KCNH1: variants seen among roughly 807,000 people sequenced by gnomAD.
The protein encoded by KCNH1 is potassium voltage-gated channel subfamily H member 1.
KCNH1 carries 27 observed loss-of-function variants against 69.2 expected under a neutral mutation model. The observed-to-expected ratio is 0.39, with a 90% CI of 0.29 to 0.54. KCNH1 has a LOEUF of 0.54. Ranked by LOEUF, KCNH1 falls within the 20% of genes least tolerant of loss-of-function variation. The pLI, the probability that KCNH1 is intolerant of heterozygous loss-of-function variation, is 0.68. For synonymous variants in KCNH1, 456 were observed against 487.7 expected, an observed-to-expected ratio of 0.93 and a Z score of 0.86; for missense variants, 798 against 1,261.6, an observed-to-expected ratio of 0.63 and a Z score of 5.57.
Position 211,005,080 on chromosome 1 carries a change from GA to G in KCNH1, c.1032+13702del, listed in dbSNP as rs532330624. Among the ~76,000 whole-genome samples, 35 of 151,754 alleles carry G rather than the reference GA, an allele frequency of 2.3e-4. No individual in the cohort carries two copies. The South Asian group carries it at 5.8e-3, about 25-fold the overall frequency. The stretch of plus-strand genomic sequence containing the variant: ...AGCAAATATAATCAATATGAGGAAT[GA>G]AAAAAAGAAAACAGCATCACTACAT... On this transcript the variant is annotated intron_variant, in intron 6 of 10. Transcript: ENST00000271751.
At chr1:210,969,324 C>T (rs1287112360) in intron 6 of KCNH1, among the ~76,000 whole-genome samples, 2 of 151,904 alleles carry the variant, frequency 1.3e-5, no homozygotes. Flanking sequence ...ACCTGAAAAA[C>T]TTTACATATA....
intron 6 of KCNH1, among the ~76,000 whole-genome samples, chr1:211,011,469 G>A (rs1689392839): frequency 6.6e-6 from 1 of 152,118 alleles, no homozygotes; most frequent in Non-Finnish European, 1.5e-5. Context: ...GTAGAATGAT[G>A]TATAATCCTT....
At chr1:210,827,350 AG>A (rs955218589) in intron 7 of KCNH1, among the ~76,000 whole-genome samples, 8 of 115,626 alleles carry the variant, frequency 6.9e-5, no homozygotes, top group African/African-American at 2.5e-4. Flanking sequence ...AAAAAGAAAA[AG>A]AAAAAAAAGA....
chr1:211,120,487 G>A (rs1222651007), intron 1 of KCNH1, among the ~76,000 whole-genome samples: 5 of 151,976 alleles, frequency 3.3e-5, no homozygotes, highest in Non-Finnish European at 7.4e-5. Flanking sequence ...ACCATGCCTG[G>A]CCTGATTCAA....
chr1:210,794,078 C>T (rs1373267406), intron 9 of KCNH1, among the ~76,000 whole-genome samples: 1 of 152,102 alleles, frequency 6.6e-6, no homozygotes, highest in Non-Finnish European at 1.5e-5. Context: ...TGCTTGAACC[C>T]CCTTGCAAGA....
chr1:210,813,619 G>A (rs971936500), intron 7 of KCNH1, among the ~76,000 whole-genome samples: 3 of 152,186 alleles, frequency 2.0e-5, no homozygotes, highest in Admixed American at 2.0e-4. Context: ...GATATTGATG[G>A]AGTAAGTGTG....
chr1:210,891,599 C>CT (rs1686752426), intron 7 of KCNH1, among the ~76,000 whole-genome samples: 1 of 151,436 alleles, frequency 6.6e-6, no homozygotes, highest in Non-Finnish European at 1.5e-5. Flanking sequence ...AATAGGAATG[C>CT]TTTTATACTG....
Position 210,679,864 on chromosome 1 carries a change from G to A in KCNH1, c.*3417C>T, listed in dbSNP as rs1249746964. On this transcript the variant is annotated 3_prime_UTR_variant, in exon 11 of 11. Transcript: ENST00000271751. The stretch of plus-strand genomic sequence containing the variant: ...AGTTTGCTGGAAGGCTGCTAAATGG[G>A]CTCAGCTTTTTAAATACTTGGGCTA... 3 of 152,252 alleles carry A rather than the reference G, an allele frequency of 2.0e-5. No homozygotes were observed. In the East Asian group the frequency reaches 5.8e-4, roughly 29 times the overall value. The allele number at this position is 152,252 out of a possible 1,614,324, so 9.4% of individuals were successfully genotyped here.
At chr1:210,727,839 G>C (rs17016775) in intron 10 of KCNH1, among the ~76,000 whole-genome samples, 74,414 of 151,978 alleles carry the variant, frequency 0.49, 18,905 homozygotes, top group African/African-American at 0.61. Context: ...AAGAAAAAAC[G>C]CTGAAGCACA....
At chr1:211,096,706 T>C (rs1490647336) in intron 3 of KCNH1, among the ~76,000 whole-genome samples, 2 of 152,244 alleles carry the variant, frequency 1.3e-5, no homozygotes, top group East Asian at 1.9e-4. Context: ...ATATATCTAA[T>C]GTAATTTCAA....
chr1:210,746,674 CG>C (rs988059890), intron 10 of KCNH1, among the ~76,000 whole-genome samples: 24 of 152,158 alleles, frequency 1.6e-4, no homozygotes, highest in African/African-American at 5.5e-4. Context: ...CAGCCTCCTG[CG>C]TAGCTGGATT....
At chr1:211,087,786 G>A (rs1225176542) in intron 4 of KCNH1, among the ~76,000 whole-genome samples, 1 of 152,184 alleles carries the variant, frequency 6.6e-6, no homozygotes, top group Non-Finnish European at 1.5e-5. Flanking sequence ...GCAAAGTGAA[G>A]ATGAGGAAGT....
intron 10 of KCNH1, among the ~76,000 whole-genome samples, chr1:210,761,007 C>T (rs967069336): frequency 8.6e-5 from 13 of 151,976 alleles, no homozygotes; most frequent in African/African-American, 3.1e-4. Flanking sequence ...AATCCCAGCA[C>T]TTTGGGAGGC....
intron 7 of KCNH1, among the ~76,000 whole-genome samples, chr1:210,907,526 G>C (rs1174867158): frequency 7.4e-6 from 1 of 135,212 alleles, no homozygotes; most frequent in Non-Finnish European, 1.7e-5. Context: ...AAAGGACTGG[G>C]AAGAAAAAAA....
At chr1:211,105,727 C>T (rs752366451) in intron 2 of KCNH1, among the ~76,000 whole-genome samples, 1 of 152,164 alleles carries the variant, frequency 6.6e-6, no homozygotes, top group Non-Finnish European at 1.5e-5. Context: ...AAAAGTGAAG[C>T]TATGTCTCTC....
chr1:211,034,269 T>C (rs1440763146), intron 5 of KCNH1, among the ~76,000 whole-genome samples: 4 of 151,986 alleles, frequency 2.6e-5, no homozygotes, highest in African/African-American at 9.7e-5. Flanking sequence ...ATATAAAAAC[T>C]ATTGATACAT....
chr1:210,844,773 A>G (rs1441643208), intron 7 of KCNH1, among the ~76,000 whole-genome samples: 1 of 152,206 alleles, frequency 6.6e-6, no homozygotes, highest in Non-Finnish European at 1.5e-5. Context: ...CCTTCAAAAA[A>G]TCAACGAATC....
chr1:210,997,628 CA>C (rs1167412647), intron 6 of KCNH1, among the ~76,000 whole-genome samples: 1 of 152,134 alleles, frequency 6.6e-6, no homozygotes, highest in African/African-American at 2.4e-5. Flanking sequence ...TTTAGCACGA[CA>C]GGCCAACATG....
rs149413815 is a variant in KCNH1 at position 210,859,959 on chromosome 1, G to T, written c.1463-55793C>A. The T allele has an allele frequency of 3.0e-4, 476 of 1,585,640 alleles. No homozygotes were observed. In the African/African-American group the frequency reaches 5.8e-3, roughly 19 times the overall value. ...CATACCCATAGTTCAAAGTTCACTT[G>T]TCTTAACCTCTCTTGGCAGTCTTTC... is the stretch of plus-strand genomic sequence containing the variant. On this transcript the variant is annotated intron_variant, in intron 7 of 10. Transcript: ENST00000271751.
Sources: allele counts gnomAD v4.1 joint callset (sites outside exome capture counted in the v4.1 genomes callset), GRCh38; gene constraint gnomAD v4.1.1; transcripts MANE v1.5; gene names NCBI Gene and HGNC (gene_info 2026-07-23, HGNC 2026-07-21).